SLC19A1: variants seen among roughly 807,000 people sequenced by gnomAD.
SLC19A1 encodes solute carrier family 19 member 1.
SLC19A1 carries 37 observed loss-of-function variants against 35.3 expected under a neutral mutation model. That is an observed-to-expected ratio of 1.05 (90% confidence interval 0.81 to 1.38). SLC19A1 has a LOEUF of 1.38. Among genes scored for constraint, SLC19A1 ranks in the 40% most tolerant of loss-of-function variants. The probability of loss-of-function intolerance (pLI) is 0.00; values close to 1 mark genes in which losing one functional copy is unlikely to be tolerated. For synonymous variants in SLC19A1, 460 were observed against 398.5 expected (o/e 1.15, Z -1.84); for missense variants, 831 against 826.9 (o/e 1.00, Z -0.06).
chr21:45,538,083 G>A, intron 1 of SLC19A1, 75 bp from the exon 2 acceptor site: 3 of 828,364 alleles, frequency 3.6e-6, no homozygotes, highest in South Asian at 3.9e-5. Flanking sequence ...ACGAGGCCCA[G>A]TGCCGGCCTC....
At chr21:45,550,586 C>T (rs2078455434) in intron 1 of SLC19A1, among the ~76,000 whole-genome samples, 1 of 152,238 alleles carries the variant, frequency 6.6e-6, no homozygotes, top group Admixed American at 6.5e-5. Flanking sequence ...GAGACCACAG[C>T]CAGCTCTCCA....
At chr21:45,558,078 C>T (rs369177260) in intron 1 of SLC19A1, among the ~76,000 whole-genome samples, 51 of 152,378 alleles carry the variant, frequency 3.3e-4, no homozygotes, top group African/African-American at 1.1e-3. Context: ...CAGACAGCGG[C>T]GGCATCGTCT....
upstream of SLC19A1, among the ~76,000 whole-genome samples, chr21:45,545,161 A>G (rs1429278035): frequency 6.6e-6 from 1 of 152,336 alleles, no homozygotes; most frequent in Non-Finnish European, 1.5e-5. Flanking sequence ...ACATGCGCAG[A>G]CACGCACACA....
At chr21:45,555,155 GGC>G (rs2078532420) in intron 1 of SLC19A1, among the ~76,000 whole-genome samples, 1 of 89,908 alleles carries the variant, frequency 1.1e-5, no homozygotes, top group Non-Finnish European at 2.1e-5. Flanking sequence ...CGGTGCAGGG[GGC>G]GGCGGGGGCG....
intron 3 of SLC19A1, among the ~76,000 whole-genome samples, chr21:45,504,927 G>A (rs1763512311): frequency 6.7e-6 from 1 of 150,024 alleles, no homozygotes; most frequent in Non-Finnish European, 1.5e-5. Flanking sequence ...TCAGGTCTCT[G>A]CTGGTCTCTC....
rs2078007670 is a variant in SLC19A1, at chr21:45,533,568, A to T, written c.190-1420T>A. ...GCATTTTCAGCAGGTGGCCCCGCCC[A>T]CAGGCCCCACCAGACCCCACCTCAG... On this transcript the variant is annotated intron_variant, in intron 2 of 5. Transcript: ENST00000311124. This position sits in a 1 kb window ranked among gnomAD's most constrained non-coding sequence, Gnocchi z 4.5. Among the ~76,000 whole-genome samples the T allele has an allele frequency of 6.6e-6, 1 of 151,714 alleles. No individual in the cohort carries two copies. The highest frequency in any genetic ancestry group is 2.1e-4 in the South Asian group (1 of 4,814).
chr21:45,542,999 A>T (rs769820348), upstream of SLC19A1, among the ~76,000 whole-genome samples: 8 of 149,810 alleles, frequency 5.3e-5, no homozygotes, highest in Non-Finnish European at 1.2e-4. Flanking sequence ...ACGGCCCCGA[A>T]CTCGGCGCCC....
At chr21:45,552,000 C>T (rs548616985) in intron 1 of SLC19A1, among the ~76,000 whole-genome samples, 2 of 152,174 alleles carry the variant, frequency 1.3e-5, no homozygotes, top group African/African-American at 2.4e-5. Flanking sequence ...GCTTCCTGTG[C>T]GGCCTCCTTA....
intron 1 of SLC19A1, among the ~76,000 whole-genome samples, chr21:45,558,891 C>T (rs1221496155): frequency 6.6e-6 from 1 of 151,678 alleles, no homozygotes; most frequent in East Asian, 1.9e-4. Flanking sequence ...TGACTACAAC[C>T]TCTGCCTCCC....
chr21:45,510,399 C>A, downstream of SLC19A1: 1 of 999,990 alleles, frequency 1.0e-6, no homozygotes, highest in Non-Finnish European at 1.5e-6. Context: ...CTGGCGACTT[C>A]AGGGCAGGCT....
intron 2 of SLC19A1, among the ~76,000 whole-genome samples, chr21:45,536,951 C>T (rs906387740): frequency 5.9e-5 from 9 of 152,218 alleles, no homozygotes; most frequent in African/African-American, 4.8e-5. Flanking sequence ...CGGCCGCTCC[C>T]GCCTCCACCG....
chr21:45,528,535 C>A (rs2077731960), intron 4 of SLC19A1, among the ~76,000 whole-genome samples: 1 of 152,130 alleles, frequency 6.6e-6, no homozygotes, highest in Non-Finnish European at 1.5e-5. Context: ...CTCCACCATC[C>A]TGACGGGGAG....
At position 45,534,602 on chromosome 21, in the gene SLC19A1, C is replaced by G; in HGVS notation, c.190-2454G>C. The G allele has an allele frequency of 6.5e-7, 1 of 1,535,688 alleles. No individual in the cohort carries two copies. The highest frequency in any genetic ancestry group is 8.7e-7 in the Non-Finnish European group (1 of 1,146,868). ...AGGAGCTGGCTCTGCAGGCTGGGGC[C>G]TCATCAGGCACCTCCTGGTCTTAGT... On this transcript the variant is annotated intron_variant, in intron 2 of 5. Coordinates refer to ENST00000311124, the MANE Select transcript of SLC19A1 (RefSeq NM_194255.4). This position sits in a 1 kb window ranked among gnomAD's most constrained non-coding sequence, Gnocchi z 4.2.
At chr21:45,551,040 TTCCTGTTCTTCACAG>T (rs1156954899) in intron 1 of SLC19A1, among the ~76,000 whole-genome samples, 1 of 151,248 alleles carries the variant, frequency 6.6e-6, no homozygotes, top group African/African-American at 2.4e-5. Context: ...CTTAGTCCCT[TTCCTGTTCTTCACAG>T]TCCCAGCTAC....
chr21:45,548,469 C>T (rs771402697), upstream of SLC19A1, among the ~76,000 whole-genome samples: 4 of 152,302 alleles, frequency 2.6e-5, no homozygotes, highest in Non-Finnish European at 4.4e-5. Flanking sequence ...AGAGGCCGGG[C>T]GCAGTGGCTC....
intron 5 of SLC19A1, among the ~76,000 whole-genome samples, chr21:45,521,017 T>C (rs1457508926): frequency 1.9e-5 from 2 of 106,204 alleles, no homozygotes; most frequent in Non-Finnish European, 1.8e-5. Flanking sequence ...CGAAACTCCA[T>C]CTCAAAAAAA....
Position 45,515,333 on chromosome 21 carries a change from C to G in SLC19A1, c.*325G>C. 2 of 1,446,424 alleles carry G rather than the reference C, an allele frequency of 1.4e-6. No homozygotes were observed. Among genetic ancestry groups the G allele is most frequent in the Admixed American group, 5.8e-5 (2 of 34,196 alleles). The allele number at this position is 1,446,424 out of a possible 1,614,324, so 89.6% of individuals were successfully genotyped here. ...TATCCAAGAGGCCACTTCACTAGCC[C>G]TGGGGGGCAGAAAGGATTTGTCTCA... On this transcript the variant is annotated 3_prime_UTR_variant, in exon 6 of 6. Coordinates refer to ENST00000311124, the MANE Select transcript of SLC19A1 (RefSeq NM_194255.4).
downstream of SLC19A1, among the ~76,000 whole-genome samples, chr21:45,508,522 A>G (rs1470032738): frequency 6.7e-6 from 1 of 150,178 alleles, no homozygotes; most frequent in Non-Finnish European, 1.5e-5. Context: ...GGGTTAGTGG[A>G]TGGGTGGGTG....
rs2078454095 is a variant in SLC19A1 at position 45,550,435 on chromosome 21, A to G, written c.-50+12307T>C. On this transcript the variant is annotated intron_variant, in intron 1 of 5. Transcript: ENST00000650808. ...ACCTGCCACCCCGTCCACAAGCACA[A>G]GTGAACGTTTCCACGTGGAAAGGGC... 2.0e-5 allele frequency among the ~76,000 whole-genome samples: 3 copies of G among 152,318 alleles called. No homozygotes were observed. The East Asian group carries it at 5.8e-4, about 29-fold the overall frequency.
Sources: gnomAD v4.1 joint callset for allele counts (sites outside exome capture counted in the v4.1 genomes callset) on GRCh38, gnomAD v4.1.1 for gene constraint, Gnocchi (gnomAD v3.1) non-coding constraint, MANE v1.5 for transcripts, NCBI Gene and HGNC (gene_info 2026-07-23, HGNC 2026-07-21) for gene names.